Variants in TBC1D9 observed in about 807,000 individuals in gnomAD.
TBC1D9 encodes the protein TBC1 domain family member 9A.
A neutral mutation model predicts 132.0 loss-of-function variants in TBC1D9; 63 were observed. The observed-to-expected ratio is 0.48, with a 90% CI of 0.39 to 0.59. The LOEUF (loss-of-function observed/expected upper bound fraction) is 0.59, where lower values mean the gene tolerates loss of function less well. Among genes scored for constraint, TBC1D9 ranks in the 20% least tolerant of loss-of-function variants. TBC1D9 has a pLI of 0.00. For synonymous variants in TBC1D9, 610 were observed against 609.9 expected (o/e 1.00, Z 0.00); for missense variants, 1,261 against 1,592.7 (o/e 0.79, Z 3.54).
Position 140,670,724 on chromosome 4 carries a change from T to A in TBC1D9, c.1262A>T (p.Asp421Val). 2 of 1,613,400 alleles carry A rather than the reference T, an allele frequency of 1.2e-6. No homozygotes were observed. Among genetic ancestry groups the A allele is most frequent in the Middle Eastern group, 3.5e-4 (2 of 5,674 alleles). The change falls in exon 7 of 21, where the codon GAT becomes GTT. Residue 421 changes from aspartate to valine, a missense_variant. This residue lies in a region of TBC1D9 where 550 missense variants were observed against 699.0 expected (regional missense o/e 0.79). Coordinates refer to ENST00000442267, the MANE Select transcript of TBC1D9 (RefSeq NM_015130.3). ...EFAGSYNSSD[D>V]EVYSRPSSLV... ...TTTCAGGTGTCTCCCACAGACCTCA[T>A]CATCTGAACTGTTGTAACTTCCTGC...
chr4:140,639,045 T>C lies in TBC1D9; in HGVS notation c.2505+41A>G. 3 of 1,433,006 alleles carry C rather than the reference T, an allele frequency of 2.1e-6. No individual in the cohort carries two copies. In the South Asian group the frequency reaches 3.8e-5, roughly 18 times the overall value. The allele number at this position is 1,433,006 out of a possible 1,614,324, so 88.8% of individuals were successfully genotyped here. ...TAACTGAATTATTAAGGTGAACTCC[T>C]TTACTCCTTTGAATGGGCATGAATT... On this transcript the variant is annotated intron_variant, in intron 15 of 20. Transcript: ENST00000442267.
At chr4:140,695,101 T>A (rs1236028974) in intron 2 of TBC1D9, among the ~76,000 whole-genome samples, 2 of 152,302 alleles carry the variant, frequency 1.3e-5, no homozygotes, top group Admixed American at 1.3e-4. Context: ...CAATTAGTAA[T>A]CTTTAATTAA....
At chr4:140,708,638 G>C (rs1738182700) in intron 1 of TBC1D9, among the ~76,000 whole-genome samples, 1 of 152,204 alleles carries the variant, frequency 6.6e-6, no homozygotes, top group Non-Finnish European at 1.5e-5. Flanking sequence ...ATGCTGAAAT[G>C]GCCAGGTGAG....
intron 11 of TBC1D9, among the ~76,000 whole-genome samples, chr4:140,658,943 C>T (rs1560876272): frequency 6.6e-6 from 1 of 151,956 alleles, no homozygotes; most frequent in Admixed American, 6.6e-5. Flanking sequence ...ACATTTTTGA[C>T]AATATTTTCA....
At chr4:140,731,062 T>C (rs927732531) in intron 1 of TBC1D9, among the ~76,000 whole-genome samples, 2 of 152,190 alleles carry the variant, frequency 1.3e-5, no homozygotes, top group Non-Finnish European at 2.9e-5. Flanking sequence ...GAACTTGCTT[T>C]TGAGGTTCTA....
At chr4:140,739,803 G>C (rs1738731571) in intron 1 of TBC1D9, among the ~76,000 whole-genome samples, 2 of 152,044 alleles carry the variant, frequency 1.3e-5, no homozygotes, top group Non-Finnish European at 2.9e-5. Flanking sequence ...AGGAGTTCAA[G>C]ACCAGCCTAG....
chr4:140,674,676 A>AT (rs1560881397), intron 6 of TBC1D9, among the ~76,000 whole-genome samples: 2 of 141,990 alleles, frequency 1.4e-5, no homozygotes, highest in African/African-American at 5.7e-5. Context: ...ATTGTAGAAG[A>AT]ATATATATAT....
At position 140,621,943 on chromosome 4, in the gene TBC1D9, T is replaced by C. The variant is rs1736620383; in HGVS notation, c.*252A>G. 4.8e-6 allele frequency: 2 copies of C among 413,036 alleles called. No individual in the cohort carries two copies. The highest frequency in any genetic ancestry group is 2.0e-5 in the African/African-American group (1 of 49,664). The allele number at this position is 413,036 out of a possible 1,614,324, so 25.6% of individuals were successfully genotyped here. A position where few individuals can be genotyped will look rare whatever the true frequency, so the allele number is the denominator to read the frequency against. ...ATCACTGACAGATTCATCTTTTTGT[T>C]TTTTAGAATTCACGAAATAAACTGT... On this transcript the variant is annotated 3_prime_UTR_variant, in exon 21 of 21. Transcript: ENST00000442267.
chr4:140,751,986 T>C (rs1389454835), intron 1 of TBC1D9, among the ~76,000 whole-genome samples: 1 of 152,194 alleles, frequency 6.6e-6, no homozygotes, highest in Non-Finnish European at 1.5e-5. Context: ...GGTGGGAGTA[T>C]ATTGGTACAA....
At position 140,679,799 on chromosome 4, in the gene TBC1D9, A is replaced by T; in HGVS notation, c.405T>A (p.Asp135Glu). The change falls in exon 4 of 21, where the codon GAT (aspartate) becomes GAA (glutamate). Residue 135 changes from aspartate (D) to glutamate (E), a missense_variant. By Grantham distance (45) the Asp-to-Glu change is conservative. Transcript: ENST00000442267. ...CTTCTTTAAACTTCTCCGTGTCATC[A>T]TCTTCCTTTACATCATTGATTTTGT... ...EYNKINDVKE[D>E]DDTEKFKEAI... is the part of the protein sequence containing the mutation. 1 of 1,613,748 alleles carries T rather than the reference A, an allele frequency of 6.2e-7. No individual in the cohort carries two copies.
chr4:140,638,548 G>A (rs1027162109), intron 15 of TBC1D9, among the ~76,000 whole-genome samples: 17 of 151,544 alleles, frequency 1.1e-4, no homozygotes, highest in South Asian at 2.1e-4. Context: ...AAAGTTAGCC[G>A]GGTGTGGTGG....
At chr4:140,669,842 C>A (rs756251485) in intron 7 of TBC1D9, 38 bp from the exon 8 acceptor site, 4 of 1,575,304 alleles carry the variant, frequency 2.5e-6, no homozygotes, top group Non-Finnish European at 3.5e-6. Context: ...TGGGAGGACA[C>A]GGGCAATAGA....
chr4:140,720,438 TAGG>T (rs1738406621), intron 1 of TBC1D9, among the ~76,000 whole-genome samples: 1 of 152,218 alleles, frequency 6.6e-6, no homozygotes, highest in African/African-American at 2.4e-5. Flanking sequence ...TCTTTTAGGC[TAGG>T]AGGTTTCCTA....
intron 3 of TBC1D9, among the ~76,000 whole-genome samples, chr4:140,680,997 G>C (rs374480704): frequency 6.6e-6 from 1 of 152,264 alleles, no homozygotes; most frequent in African/African-American, 2.4e-5. Flanking sequence ...TTTTATTGCA[G>C]ACTGGCTGCT....
chr4:140,744,945 T>A (rs891449754), intron 1 of TBC1D9, among the ~76,000 whole-genome samples: 3 of 145,632 alleles, frequency 2.1e-5, no homozygotes, highest in Non-Finnish European at 3.0e-5. Context: ...ACCCAGTCAC[T>A]CCTTTCTATT....
At chr4:140,709,591 T>C (rs1366445260) in intron 1 of TBC1D9, among the ~76,000 whole-genome samples, 2 of 152,132 alleles carry the variant, frequency 1.3e-5, no homozygotes, top group African/African-American at 4.8e-5. Flanking sequence ...ATGCTTAATC[T>C]CAATATCTGT....
chr4:140,704,125 C>T (rs1019909439), intron 1 of TBC1D9, among the ~76,000 whole-genome samples: 2 of 152,108 alleles, frequency 1.3e-5, no homozygotes, highest in African/African-American at 4.8e-5. Context: ...GGGCTAGGCG[C>T]GGTGGCTAAT....
intron 13 of TBC1D9, among the ~76,000 whole-genome samples, chr4:140,651,971 G>T (rs1737193325): frequency 1.3e-5 from 2 of 152,156 alleles, no homozygotes; most frequent in South Asian, 4.1e-4. Flanking sequence ...GGGCACGGTG[G>T]CTTAAGCCTG....
At position 140,730,300 on chromosome 4, in the gene TBC1D9, G is replaced by A. The variant is rs557816550; in HGVS notation, c.130+25616C>T. Among the ~76,000 whole-genome samples the A allele has an allele frequency of 2.2e-3, 333 of 152,278 alleles. 4 individuals carry two copies. Among genetic ancestry groups the A allele is most frequent in the Non-Finnish European group, 3.7e-3 (254 of 68,020 alleles). On this transcript the variant is annotated intron_variant, in intron 1 of 20. Transcript: ENST00000442267. Reference sequence around the variant, plus strand: ...TCAACGGGCCACTCTGAGACCAAAGGGAACCTGGTCAGGAAAAAGCCCTCT... The same window carrying A: ...TCAACGGGCCACTCTGAGACCAAAGAGAACCTGGTCAGGAAAAAGCCCTCT...
Sources: gnomAD v4.1 joint callset for allele counts (sites outside exome capture counted in the v4.1 genomes callset) on GRCh38, gnomAD v4.1.1 for gene constraint, gnomAD v4.1.1 regional missense constraint, MANE v1.5 for transcripts, NCBI Gene and HGNC (gene_info 2026-07-23, HGNC 2026-07-21) for gene names.